THSD7B: variants seen among roughly 807,000 people sequenced by gnomAD.
The protein encoded by THSD7B is thrombospondin type-1 domain-containing protein 7B.
In THSD7B, 138 loss-of-function variants were observed where a neutral mutation model predicts 213.6. The observed-to-expected ratio is 0.65, with a 90% CI of 0.56 to 0.74. The LOEUF (loss-of-function observed/expected upper bound fraction) is 0.74. Among genes scored for constraint, THSD7B ranks in the 30% least tolerant of loss-of-function variants. The probability of loss-of-function intolerance (pLI) is 0.00; values close to 1 mark genes in which losing one functional copy is unlikely to be tolerated. For missense variants in THSD7B, 1,931 were observed against 1,991.5 expected, an observed-to-expected ratio of 0.97 and a Z score of 0.58; for synonymous variants, 742 against 687.0, an observed-to-expected ratio of 1.08 and a Z score of -1.25.
At chr2:136,967,991 T>G (rs920935059) in intron 2 of THSD7B, among the ~76,000 whole-genome samples, 1 of 152,192 alleles carries the variant, frequency 6.6e-6, no homozygotes, top group Non-Finnish European at 1.5e-5. Context: ...TGAATGAATA[T>G]TTCACAATTT....
intron 1 of THSD7B, among the ~76,000 whole-genome samples, chr2:136,789,163 C>G (rs1261618211): frequency 6.6e-6 from 1 of 151,820 alleles, no homozygotes; most frequent in African/African-American, 2.4e-5. Flanking sequence ...AAAATTATAA[C>G]AGTTTGGTTT....
At chr2:137,213,645 C>T (rs949226644) in intron 7 of THSD7B, among the ~76,000 whole-genome samples, 1 of 151,654 alleles carries the variant, frequency 6.6e-6, no homozygotes, top group Non-Finnish European at 1.5e-5. Context: ...GAGAATTGAT[C>T]CCCTTATCCC....
intron 10 of THSD7B, among the ~76,000 whole-genome samples, chr2:137,259,309 A>G (rs75020068): frequency 0.027 from 4,110 of 152,290 alleles, 108 homozygotes; most frequent in Middle Eastern, 0.095. Flanking sequence ...CCAAAAGTGT[A>G]AAAGCGTTCC....
chr2:137,404,367 A>G (rs1573605486), intron 12 of THSD7B, among the ~76,000 whole-genome samples: 1 of 148,074 alleles, frequency 6.8e-6, no homozygotes, highest in Non-Finnish European at 1.5e-5. Flanking sequence ...ACAAGTCACA[A>G]TAGGAAAATC....
At chr2:137,538,804 A>C (rs1375367) in intron 15 of THSD7B, among the ~76,000 whole-genome samples, 48,134 of 151,528 alleles carry the variant, frequency 0.32, 8,373 homozygotes, top group African/African-American at 0.46. Context: ...CAGAATCAGC[A>C]TAATATAATA....
chr2:137,006,105 C>T (rs748937671), intron 2 of THSD7B, among the ~76,000 whole-genome samples: 3 of 152,012 alleles, frequency 2.0e-5, no homozygotes, highest in Non-Finnish European at 4.4e-5. Flanking sequence ...TTAATAAATA[C>T]GTATAGGGCC....
At chr2:137,470,076 G>A (rs1688064105) in intron 15 of THSD7B, among the ~76,000 whole-genome samples, 1 of 152,144 alleles carries the variant, frequency 6.6e-6, no homozygotes, top group South Asian at 2.1e-4. Context: ...AAGGAGTTAT[G>A]GAAAAGCTAT....
Position 136,897,606 on chromosome 2 carries a change from G to C in THSD7B, c.139+15289G>C, listed in dbSNP as rs1334357085. ...AGAACAAAGCTTCCACAGTGTGGAAGGGGACCCAAGCAGGTTGCCGCTGCG... is the reference window on the plus strand; with the variant it reads ...AGAACAAAGCTTCCACAGTGTGGAACGGGACCCAAGCAGGTTGCCGCTGCG... On this transcript the variant is annotated intron_variant, in intron 2 of 27. Transcript: ENST00000409968. 3.9e-5 allele frequency among the ~76,000 whole-genome samples: 6 copies of C among 152,178 alleles called. No individual in the cohort carries two copies. The South Asian group carries it at 6.2e-4, about 16-fold the overall frequency.
chr2:136,815,426 C>G (rs533491659), intron 1 of THSD7B, among the ~76,000 whole-genome samples: 1 of 152,178 alleles, frequency 6.6e-6, no homozygotes, highest in Non-Finnish European at 1.5e-5. Context: ...CTCTGTTAAA[C>G]TATACCCAGA....
At chr2:137,344,208 G>A (rs1684825299) in intron 12 of THSD7B, among the ~76,000 whole-genome samples, 1 of 151,604 alleles carries the variant, frequency 6.6e-6, no homozygotes, top group Admixed American at 6.6e-5. Flanking sequence ...CCCCATATCT[G>A]TGGAAAAATT....
intron 16 of THSD7B, among the ~76,000 whole-genome samples, chr2:137,570,932 C>T (rs1681342298): frequency 1.3e-5 from 2 of 152,122 alleles, no homozygotes; most frequent in African/African-American, 2.4e-5. Context: ...CATAGAAAGT[C>T]TTTATTAAAC....
At chr2:137,595,436 A>T (rs973597231) in intron 17 of THSD7B, among the ~76,000 whole-genome samples, 1 of 151,986 alleles carries the variant, frequency 6.6e-6, no homozygotes. Flanking sequence ...GGCAGCCCTA[A>T]AGCCAGACAT....
intron 1 of THSD7B, among the ~76,000 whole-genome samples, chr2:136,798,694 A>AT (rs972043168): frequency 3.3e-5 from 5 of 151,898 alleles, no homozygotes; most frequent in Non-Finnish European, 7.4e-5. Flanking sequence ...GCCAGTAAAC[A>AT]TTTTTACTCT....
At chr2:137,234,140 G>T (rs1681708110) in intron 9 of THSD7B, among the ~76,000 whole-genome samples, 1 of 152,216 alleles carries the variant, frequency 6.6e-6, no homozygotes, top group African/African-American at 2.4e-5. Flanking sequence ...AGGAGAGATT[G>T]ATTCTGATGC....
intron 15 of THSD7B, among the ~76,000 whole-genome samples, chr2:137,501,880 C>T (rs964232397): frequency 1.4e-4 from 21 of 152,100 alleles, no homozygotes; most frequent in African/African-American, 3.9e-4. Flanking sequence ...CCCCAGTGAA[C>T]GATGTTGAGC....
intron 2 of THSD7B, among the ~76,000 whole-genome samples, chr2:137,008,495 A>G (rs1686159253): frequency 6.6e-6 from 1 of 152,200 alleles, no homozygotes; most frequent in Admixed American, 6.5e-5. Context: ...CCTATTGGAC[A>G]ATCTGAAGTG....
chr2:137,050,547 T>C lies in THSD7B; in HGVS notation c.140-5873T>C, dbSNP rs564292732. Reference sequence around the variant, plus strand: ...CTGGGAACATTAGCAACAAAGCTTATGCTTACTTGAGGTATAAATATTCCA... The same window carrying C: ...CTGGGAACATTAGCAACAAAGCTTACGCTTACTTGAGGTATAAATATTCCA... On this transcript the variant is annotated intron_variant, in intron 2 of 27. Transcript: ENST00000409968. Among the ~76,000 whole-genome samples, 118 of 152,358 alleles carry C rather than the reference T, an allele frequency of 7.7e-4. 1 individual carries two copies. Among genetic ancestry groups the C allele is most frequent in the African/African-American group, 2.5e-3 (105 of 41,594 alleles).
chr2:137,558,939 A>C (rs544193417), intron 15 of THSD7B, among the ~76,000 whole-genome samples: 1 of 152,302 alleles, frequency 6.6e-6, no homozygotes, highest in Admixed American at 6.5e-5. Flanking sequence ...CAGAGAGCCA[A>C]ATCATGAGTG....
intron 27 of THSD7B, among the ~76,000 whole-genome samples, chr2:137,668,565 C>A (rs888001361): frequency 6.6e-6 from 1 of 151,992 alleles, no homozygotes; most frequent in South Asian, 2.1e-4. Flanking sequence ...TGAAACCAGA[C>A]AGAAGTAAAT....
Sources: allele counts gnomAD v4.1 joint callset (sites outside exome capture counted in the v4.1 genomes callset), GRCh38; gene constraint gnomAD v4.1.1; transcripts MANE v1.5; gene names NCBI Gene and HGNC (gene_info 2026-07-23, HGNC 2026-07-21).